Variants in NRG3 observed in about 807,000 individuals in gnomAD.
NRG3 encodes neuregulin 3.
A neutral mutation model predicts 66.9 loss-of-function variants in NRG3; 31 were observed. That is an observed-to-expected ratio of 0.46 (90% CI 0.35 to 0.63). NRG3 has a LOEUF of 0.63. Ranked by LOEUF, NRG3 falls within the 20% of genes least tolerant of loss-of-function variation. The pLI is 0.00. For synonymous variants in NRG3, 393 were observed against 359.4 expected (o/e 1.09, Z -1.06); for missense variants, 910 against 878.9 (o/e 1.04, Z -0.45).
intron 3 of NRG3, among the ~76,000 whole-genome samples, chr10:82,820,203 C>T (rs1330538243): frequency 6.6e-6 from 1 of 152,176 alleles, no homozygotes; most frequent in East Asian, 1.9e-4. Flanking sequence ...CTAGATCTAT[C>T]AGTTATACTT....
intron 1 of NRG3, among the ~76,000 whole-genome samples, chr10:82,343,267 AATC>A (rs1392224975): frequency 6.6e-6 from 1 of 152,126 alleles, no homozygotes; most frequent in Non-Finnish European, 1.5e-5. Flanking sequence ...CAATAATAAT[AATC>A]AAGCTGAGAA....
chr10:82,350,109 G>C (rs1038986525), intron 1 of NRG3, among the ~76,000 whole-genome samples: 1 of 151,978 alleles, frequency 6.6e-6, no homozygotes, highest in Admixed American at 6.6e-5. Flanking sequence ...TTTTTACACG[G>C]AACCCACGAA....
At chr10:82,965,594 G>T (rs1851132802) in intron 6 of NRG3, among the ~76,000 whole-genome samples, 2 of 151,958 alleles carry the variant, frequency 1.3e-5, no homozygotes, top group South Asian at 4.2e-4. Flanking sequence ...AAATTAGCCG[G>T]GCGTGGTGGT....
chr10:82,342,020 T>G (rs1482922634), intron 1 of NRG3, among the ~76,000 whole-genome samples: 1 of 151,876 alleles, frequency 6.6e-6, no homozygotes, highest in Non-Finnish European at 1.5e-5. Context: ...GATTTCTTTT[T>G]TATGGCTGAG....
intron 1 of NRG3, among the ~76,000 whole-genome samples, chr10:82,161,786 A>G (rs2071622337): frequency 6.6e-6 from 1 of 152,104 alleles, no homozygotes; most frequent in Non-Finnish European, 1.5e-5. Context: ...ATCAACTGCA[A>G]TTACCCCTAT....
At chr10:82,953,735 G>A (rs895849455) in intron 5 of NRG3, among the ~76,000 whole-genome samples, 10 of 151,844 alleles carry the variant, frequency 6.6e-5, no homozygotes, top group Non-Finnish European at 1.5e-4. Flanking sequence ...ACTTTGGGAG[G>A]CTGAGGCAGG....
At chr10:82,818,657 T>C (rs528449928) in intron 3 of NRG3, among the ~76,000 whole-genome samples, 33 of 152,058 alleles carry the variant, frequency 2.2e-4, no homozygotes, top group Non-Finnish European at 4.3e-4. Context: ...ATCTCTAAAT[T>C]AAAATTCTCC....
At chr10:82,426,311 C>T (rs191029244) in intron 2 of NRG3, among the ~76,000 whole-genome samples, 51 of 152,180 alleles carry the variant, frequency 3.4e-4, no homozygotes, top group Non-Finnish European at 5.3e-4. Flanking sequence ...TTATAGTCCA[C>T]GCTCAGTCTC....
intron 1 of NRG3, among the ~76,000 whole-genome samples, chr10:82,218,939 A>G (rs17099627): frequency 0.11 from 17,098 of 152,086 alleles, 1,187 homozygotes; most frequent in Admixed American, 0.21. Flanking sequence ...TGGCTAAGAA[A>G]GGAGACCAAT....
chr10:82,837,801 A>T (rs563133039), intron 3 of NRG3, among the ~76,000 whole-genome samples: 24 of 152,264 alleles, frequency 1.6e-4, no homozygotes, highest in Non-Finnish European at 2.5e-4. Context: ...TGCTGAAAAA[A>T]TGCTTGTCAT....
chr10:82,984,776 A>G, intron 8 of NRG3: 1 of 1,551,850 alleles, frequency 6.4e-7, no homozygotes, highest in Non-Finnish European at 8.7e-7. Flanking sequence ...TTTACTTTGT[A>G]TTCTAGGATA....
intron 4 of NRG3, among the ~76,000 whole-genome samples, chr10:82,908,509 G>A (rs576560104): frequency 6.6e-6 from 1 of 152,284 alleles, no homozygotes; most frequent in African/African-American, 2.4e-5. Flanking sequence ...GGTGATTTAT[G>A]GCTGCAAATT....
intron 2 of NRG3, among the ~76,000 whole-genome samples, chr10:82,632,912 C>T (rs1405874832): frequency 6.6e-6 from 1 of 152,122 alleles, no homozygotes; most frequent in Non-Finnish European, 1.5e-5. Flanking sequence ...CTTTTGGCTG[C>T]AACACAAGAA....
chr10:82,413,787 T>C (rs2088311041), intron 2 of NRG3, among the ~76,000 whole-genome samples: 1 of 152,166 alleles, frequency 6.6e-6, no homozygotes, highest in South Asian at 2.1e-4. Flanking sequence ...TTTTATTTTA[T>C]GGAGATGGCT....
At chr10:82,433,980 G>A (rs2089980299) in intron 2 of NRG3, among the ~76,000 whole-genome samples, 1 of 152,066 alleles carries the variant, frequency 6.6e-6, no homozygotes, top group Non-Finnish European at 1.5e-5. Flanking sequence ...TTCTAATTCT[G>A]TGAAGAATGT....
At chr10:82,892,574 A>G (rs983268216) in intron 4 of NRG3, among the ~76,000 whole-genome samples, 1 of 151,964 alleles carries the variant, frequency 6.6e-6, no homozygotes, top group African/African-American at 2.4e-5. Context: ...GCTGAGGTGG[A>G]AAGATTGCTT....
chr10:82,490,886 G>A (rs1456546226), intron 2 of NRG3, among the ~76,000 whole-genome samples: 2 of 151,840 alleles, frequency 1.3e-5, no homozygotes, highest in African/African-American at 4.8e-5. Context: ...ATATTTAATG[G>A]GATTTCCTAC....
At chr10:82,516,334 T>G (rs1390810916) in intron 2 of NRG3, among the ~76,000 whole-genome samples, 1 of 152,138 alleles carries the variant, frequency 6.6e-6, no homozygotes, top group Non-Finnish European at 1.5e-5. Flanking sequence ...ATCTAGGACT[T>G]ACTGCAGCAG....
rs570961125 is a variant in NRG3 at position 82,770,342 on chromosome 10, A to C, written c.1027+31692A>C. ...TATCAAGAATCTTAGCAGAGTTTAC[A>C]AGACACTATTCCTGGTGAAGACCCC... On this transcript the variant is annotated intron_variant, in intron 3 of 8. Transcript: ENST00000372141. 1.9e-4 allele frequency among the ~76,000 whole-genome samples: 29 copies of C among 152,286 alleles called. No individual in the cohort carries two copies. The East Asian group carries it at 5.6e-3, about 29-fold the overall frequency.
Sources: gnomAD v4.1 joint callset for allele counts (sites outside exome capture counted in the v4.1 genomes callset) on GRCh38, gnomAD v4.1.1 for gene constraint, MANE v1.5 for transcripts, NCBI Gene and HGNC (gene_info 2026-07-23, HGNC 2026-07-21) for gene names.